COL19A1: variants seen among roughly 807,000 people sequenced by gnomAD.
The protein encoded by COL19A1 is collagen alpha-1(XIX) chain.
In COL19A1, 159 loss-of-function variants were observed where a neutral mutation model predicts 190.2. The ratio of observed to expected loss-of-function variants is 0.84; its 90% CI spans 0.73 to 0.95. The LOEUF is 0.95. Ranked by LOEUF, COL19A1 falls within the 40% of genes least tolerant of loss-of-function variation. The pLI is 0.00. For missense variants in COL19A1, 1,418 were observed against 1,431.9 expected (o/e 0.99, Z 0.16); for synonymous variants, 509 against 458.9 (o/e 1.11, Z -1.39).
intron 11 of COL19A1, among the ~76,000 whole-genome samples, chr6:69,963,941 C>A (rs1774952050): frequency 6.6e-6 from 1 of 152,166 alleles, no homozygotes; most frequent in Admixed American, 6.5e-5. Context: ...TTCAGATAAT[C>A]ATTTGAATCC....
chr6:70,195,136 G>GATATATATATATATATATAT (rs202055762), intron 48 of COL19A1, among the ~76,000 whole-genome samples: 17 of 136,010 alleles, frequency 1.2e-4, no homozygotes, highest in African/African-American at 3.2e-4. Context: ...CATCATTGAT[G>GATATATATATATATATATAT]ATATATATAT....
chr6:70,149,044 A>G (rs1016910329), intron 27 of COL19A1, among the ~76,000 whole-genome samples: 2 of 152,104 alleles, frequency 1.3e-5, no homozygotes, highest in African/African-American at 2.4e-5. Context: ...GAGCAGTGAT[A>G]TGAATATTTA....
chr6:69,904,798 C>T (rs1393502306), intron 4 of COL19A1, among the ~76,000 whole-genome samples: 11 of 152,332 alleles, frequency 7.2e-5, no homozygotes, highest in Admixed American at 5.9e-4. Flanking sequence ...CTGCTTGCAC[C>T]TGAAGGTCCC....
Position 69,981,227 on chromosome 6 carries a change from T to C in COL19A1, c.1026+18357T>C, listed in dbSNP as rs1190494871. ...GCCAATGTGGAATATAATGGTGTTT[T>C]GTAGGGGCAGAAAACTGGAACTGAG... On this transcript the variant is annotated intron_variant, in intron 11 of 50. Transcript: ENST00000620364. 2.6e-5 allele frequency among the ~76,000 whole-genome samples: 4 copies of C among 152,120 alleles called. No homozygotes were observed. In the East Asian group the frequency reaches 5.8e-4, roughly 22 times the overall value.
At chr6:69,956,879 G>T (rs777528330) in intron 9 of COL19A1, among the ~76,000 whole-genome samples, 5 of 151,882 alleles carry the variant, frequency 3.3e-5, no homozygotes, top group African/African-American at 4.8e-5. Context: ...AAAATGATAG[G>T]TCAATTTTTT....
intron 11 of COL19A1, among the ~76,000 whole-genome samples, chr6:70,017,830 C>CTTTTAG (rs751627506): frequency 3.3e-5 from 5 of 152,074 alleles, no homozygotes; most frequent in South Asian, 2.1e-4. Flanking sequence ...TAAAAGGTGT[C>CTTTTAG]TGATGGTGGT....
chr6:69,885,837 T>C (rs1034005405), intron 2 of COL19A1, among the ~76,000 whole-genome samples: 1 of 151,330 alleles, frequency 6.6e-6, no homozygotes, highest in Admixed American at 6.6e-5. Flanking sequence ...TAATATTCCA[T>C]TGGATAAAAT....
At chr6:70,036,677 A>T (rs13206578) in intron 14 of COL19A1, among the ~76,000 whole-genome samples, 3,240 of 151,194 alleles carry the variant, frequency 0.021, 50 homozygotes, top group Non-Finnish European at 0.033. Flanking sequence ...TGTTTTTTTT[A>T]AAAAAGATCT....
chr6:70,146,682 A>C lies in COL19A1; in HGVS notation c.1794A>C (p.Ala598=), dbSNP rs780653931. The C allele has an allele frequency of 6.2e-7, 1 of 1,607,454 alleles. No homozygotes were observed. Among genetic ancestry groups the C allele is most frequent in the South Asian group, 1.1e-5 (1 of 89,498 alleles). Residue 598 remains alanine (A), a synonymous_variant, in exon 26 of 51, where the codon GCA becomes GCC. Transcript: ENST00000620364. The part of the protein sequence containing the change: ...GEPGLDGNPG[A]PGPRGPKGER... ...AGGGATTAGATGGAAATCCTGGAGC[A>C]CCTGGTCCACGTGGGCCAAAGGTAT...
At chr6:70,056,851 CA>C (rs1217458134) in intron 14 of COL19A1, among the ~76,000 whole-genome samples, 6 of 152,106 alleles carry the variant, frequency 3.9e-5, no homozygotes, top group African/African-American at 1.4e-4. Flanking sequence ...CACTCAATTG[CA>C]AATTGAGTGA....
chr6:70,106,411 A>C (rs1783969621), intron 16 of COL19A1, among the ~76,000 whole-genome samples: 2 of 152,056 alleles, frequency 1.3e-5, no homozygotes, highest in South Asian at 4.1e-4. Context: ...TAGGGAAAAA[A>C]GATTTCTAAT....
At chr6:69,984,254 G>A (rs938714742) in intron 11 of COL19A1, among the ~76,000 whole-genome samples, 5 of 152,022 alleles carry the variant, frequency 3.3e-5, no homozygotes, top group African/African-American at 1.2e-4. Flanking sequence ...TCCTTCCCTA[G>A]AATGGCTGAA....
intron 15 of COL19A1, among the ~76,000 whole-genome samples, chr6:70,095,654 T>C (rs182090196): frequency 4.6e-5 from 7 of 152,322 alleles, no homozygotes; most frequent in Admixed American, 2.6e-4. Context: ...CGTGCAAAAC[T>C]GAAACTCTAT....
intron 31 of COL19A1, among the ~76,000 whole-genome samples, chr6:70,155,327 C>G (rs542380035): frequency 2.0e-5 from 3 of 152,278 alleles, no homozygotes; most frequent in African/African-American, 7.2e-5. Flanking sequence ...CTATCTCCCC[C>G]ACTCAGTGGC....
intron 14 of COL19A1, among the ~76,000 whole-genome samples, chr6:70,065,640 G>T (rs1781137926): frequency 6.6e-6 from 1 of 152,148 alleles, no homozygotes; most frequent in African/African-American, 2.4e-5. Flanking sequence ...CTTCTGCACA[G>T]CAAAAGAAAC....
At chr6:70,174,641 G>A (rs1364150620) in intron 41 of COL19A1, among the ~76,000 whole-genome samples, 1 of 152,170 alleles carries the variant, frequency 6.6e-6, no homozygotes, top group Non-Finnish European at 1.5e-5. Context: ...CAGAATAGGA[G>A]GGGAGTTGGA....
chr6:70,048,588 G>A (rs1780028526), intron 14 of COL19A1, among the ~76,000 whole-genome samples: 1 of 152,056 alleles, frequency 6.6e-6, no homozygotes, highest in African/African-American at 2.4e-5. Context: ...AAGTTTACAA[G>A]TATTTGTACA....
At chr6:70,017,888 A>C (rs1778206395) in intron 11 of COL19A1, among the ~76,000 whole-genome samples, 1 of 152,146 alleles carries the variant, frequency 6.6e-6, no homozygotes, top group Non-Finnish European at 1.5e-5. Flanking sequence ...AATAAGGTAC[A>C]AGTCAATCTG....
intron 2 of COL19A1, among the ~76,000 whole-genome samples, chr6:69,888,590 G>T (rs1379414875): frequency 6.6e-6 from 1 of 151,896 alleles, no homozygotes. Context: ...TCAGGAGTTG[G>T]AGACCAGTCT....
Sources: allele counts gnomAD v4.1 joint callset (sites outside exome capture counted in the v4.1 genomes callset), GRCh38; gene constraint gnomAD v4.1.1; transcripts MANE v1.5; gene names NCBI Gene and HGNC (gene_info 2026-07-23, HGNC 2026-07-21).